FBXL13: variants seen among roughly 807,000 people sequenced by gnomAD.
FBXL13 encodes the protein F-box and leucine-rich repeat protein 13.
Under a neutral mutation model 83.6 loss-of-function variants are expected in FBXL13, and 67 were observed. The ratio of observed to expected loss-of-function variants is 0.80; its 90% confidence interval spans 0.66 to 0.98. The LOEUF is 0.98. FBXL13 is among the 50% of genes least tolerant of loss of function. The pLI is 0.00. For synonymous variants in FBXL13, 272 were observed against 299.5 expected (o/e 0.91, Z 0.95); for missense variants, 822 against 866.5 (o/e 0.95, Z 0.64).
At chr7:102,884,134 T>C (rs1218977173) in intron 12 of FBXL13, 80 bp downstream of exon 13, 18 of 1,015,346 alleles carry the variant, frequency 1.8e-5, no homozygotes, top group Non-Finnish European at 2.7e-5. Context: ...AGTCCATTCA[T>C]ATTTTTCAGT....
intron 14 of FBXL13, among the ~76,000 whole-genome samples, chr7:102,878,962 C>T (rs1038552206): frequency 2.0e-5 from 3 of 152,202 alleles, no homozygotes; most frequent in African/African-American, 7.2e-5. Flanking sequence ...AAGACCTTGA[C>T]CTCAGCCTTC....
At chr7:103,022,533 T>C (rs1331748919) in intron 6 of FBXL13, among the ~76,000 whole-genome samples, 1 of 146,142 alleles carries the variant, frequency 6.8e-6, no homozygotes, top group Non-Finnish European at 1.5e-5. Context: ...CCAGAAATAA[T>C]GCCACACATC....
chr7:103,073,709 G>T (rs1012544067), intron 1 of FBXL13, among the ~76,000 whole-genome samples: 1 of 151,972 alleles, frequency 6.6e-6, no homozygotes, highest in South Asian at 2.1e-4. Flanking sequence ...TTGGTTAAAG[G>T]GTACATGTAT....
At chr7:102,936,837 GT>G (rs1336671176) in intron 8 of FBXL13, among the ~76,000 whole-genome samples, 4 of 152,188 alleles carry the variant, frequency 2.6e-5, no homozygotes, top group Non-Finnish European at 5.9e-5. Context: ...GAGATAACAT[GT>G]GAGGAAATGT....
chr7:102,824,782 G>A (rs934076446), intron 18 of FBXL13, among the ~76,000 whole-genome samples: 1 of 137,608 alleles, frequency 7.3e-6, no homozygotes, highest in Non-Finnish European at 1.5e-5. Context: ...CACCATGCCC[G>A]GCCTTTTTTT....
chr7:103,018,797 C>T (rs917397228), intron 6 of FBXL13, among the ~76,000 whole-genome samples: 1 of 152,180 alleles, frequency 6.6e-6, no homozygotes, highest in African/African-American at 2.4e-5. Context: ...ATGTATGCAT[C>T]CAATACAGGA....
intron 14 of FBXL13, among the ~76,000 whole-genome samples, chr7:102,882,461 A>C (rs868196783): frequency 1.3e-5 from 2 of 151,826 alleles, no homozygotes; most frequent in African/African-American, 4.8e-5. Context: ...AGGTTTCAGC[A>C]AGAAACCTCT....
intron 8 of FBXL13, among the ~76,000 whole-genome samples, chr7:102,940,217 GTT>G (rs200641926): frequency 1.7e-5 from 2 of 117,588 alleles, no homozygotes; most frequent in Admixed American, 8.8e-5. Flanking sequence ...TTTTTTGTTT[GTT>G]TTTTTTTTTG....
chr7:102,861,910 A>G lies in FBXL13; in HGVS notation c.1636-7050T>C, dbSNP rs533706818. Among the ~76,000 whole-genome samples, 4 of 151,192 alleles carry G rather than the reference A, an allele frequency of 2.6e-5. No homozygotes were observed. The South Asian group carries it at 6.3e-4, about 24-fold the overall frequency. On this transcript the variant is annotated intron_variant, in intron 16 of 19. Coordinates refer to ENST00000313221, the Ensembl canonical transcript of FBXL13. The stretch of plus-strand genomic sequence containing the variant: ...GGCAGGAGAATCGCTTTAACCCAGG[A>G]GGCAGAAGCTGTAGTGAGCCAAGAT...
chr7:102,976,760 A>G (rs1343276364), intron 6 of FBXL13, among the ~76,000 whole-genome samples: 1 of 152,152 alleles, frequency 6.6e-6, no homozygotes, highest in Non-Finnish European at 1.5e-5. Flanking sequence ...CCTCCTCGCC[A>G]GTCACCTACT....
Position 102,855,364 on chromosome 7 carries a change from T to C in FBXL13, c.1636-504A>G, listed in dbSNP as rs997529497. Among the ~76,000 whole-genome samples, 5 of 152,150 alleles carry C rather than the reference T, an allele frequency of 3.3e-5. No individual in the cohort carries two copies. The South Asian group carries it at 6.2e-4, about 19-fold the overall frequency. On this transcript the variant is annotated intron_variant, in intron 16 of 19. Coordinates refer to ENST00000313221, the Ensembl canonical transcript of FBXL13. ...CTAGAGACAGATAATCATTCAGTCA[T>C]AGATCATTTCTTTTTCAGGTTAAAG...
At chr7:103,015,996 G>A (rs552293696) in intron 6 of FBXL13, among the ~76,000 whole-genome samples, 26 of 152,114 alleles carry the variant, frequency 1.7e-4, no homozygotes, top group Admixed American at 2.6e-4. Flanking sequence ...AACACTGCAA[G>A]AAAGAAAACA....
At chr7:103,003,278 GTTTTTTTTTT>G (rs563726626) in intron 6 of FBXL13, among the ~76,000 whole-genome samples, 8 of 75,916 alleles carry the variant, frequency 1.1e-4, no homozygotes, top group African/African-American at 4.6e-4. Flanking sequence ...TTGTTTTGGG[GTTTTTTTTTT>G]TTTTTTTTTT....
chr7:102,834,738 A>G (rs1043727884), intron 17 of FBXL13: 3 of 152,096 alleles, frequency 2.0e-5, no homozygotes, highest in Non-Finnish European at 2.9e-5. Flanking sequence ...CAAGAGATCT[A>G]TTGTATATGA....
intron 16 of FBXL13, among the ~76,000 whole-genome samples, chr7:102,855,105 C>T (rs1177179636): frequency 6.6e-6 from 1 of 152,134 alleles, no homozygotes; most frequent in Non-Finnish European, 1.5e-5. Context: ...ATCCCAGAGT[C>T]AGAAAACTCC....
chr7:102,852,595 C>T (rs372524084), intron 17 of FBXL13, among the ~76,000 whole-genome samples: 59 of 152,244 alleles, frequency 3.9e-4, no homozygotes, highest in African/African-American at 1.3e-3. Context: ...AAATGCTCAA[C>T]ATCACAAATG....
intron 2 of FBXL13, among the ~76,000 whole-genome samples, chr7:103,054,601 G>C (rs918018868): frequency 1.3e-5 from 2 of 152,106 alleles, no homozygotes; most frequent in Non-Finnish European, 2.9e-5. Context: ...GTAACAATGA[G>C]ATCTGTCTTT....
intron 18 of FBXL13, among the ~76,000 whole-genome samples, chr7:102,825,588 CA>C (rs1333861688): frequency 6.6e-6 from 1 of 152,126 alleles, no homozygotes; most frequent in Non-Finnish European, 1.5e-5. Flanking sequence ...AGGGTATGAC[CA>C]CTTTTGTGGC....
intron 17 of FBXL13, among the ~76,000 whole-genome samples, chr7:102,846,615 CAA>C (rs763704448): frequency 6.5e-5 from 8 of 122,460 alleles, no homozygotes; most frequent in Non-Finnish European, 7.1e-5. Flanking sequence ...GACTCAGTCT[CAA>C]AAAAAAAAAA....
Sources: allele counts gnomAD v4.1 joint callset (sites outside exome capture counted in the v4.1 genomes callset), GRCh38; gene constraint gnomAD v4.1.1; transcripts MANE v1.5; gene names NCBI Gene and HGNC (gene_info 2026-07-23, HGNC 2026-07-21).